MICAL2: variants seen among roughly 807,000 people sequenced by gnomAD.
MICAL2 encodes the protein microtubule associated monooxygenase, calponin and LIM domain containing 2.
Under a neutral mutation model 127.3 loss-of-function variants are expected in MICAL2, and 77 were observed. The ratio of observed to expected loss-of-function variants is 0.60; its 90% CI spans 0.50 to 0.73. The LOEUF (loss-of-function observed/expected upper bound fraction) is 0.73. Ranked by LOEUF, MICAL2 falls within the 30% of genes least tolerant of loss-of-function variation. MICAL2 has a pLI of 0.00. For synonymous variants in MICAL2, 570 were observed against 551.1 expected (o/e 1.03, Z -0.48); for missense variants, 1,351 against 1,434.4 (o/e 0.94, Z 0.94).
chr11:12,138,166 T>C (rs1376647323), intron 1 of MICAL2, among the ~76,000 whole-genome samples: 3 of 152,242 alleles, frequency 2.0e-5, no homozygotes, highest in Admixed American at 2.0e-4. Context: ...GTGCCCTGAC[T>C]GCAGCCAACA....
At chr11:12,130,397 G>A (rs867817480) in intron 1 of MICAL2, among the ~76,000 whole-genome samples, 1 of 152,180 alleles carries the variant, frequency 6.6e-6, no homozygotes, top group South Asian at 2.1e-4. Flanking sequence ...AGGCCACAGG[G>A]CAGAGGGATG....
chr11:12,348,494 A>G (rs925928411), intron 32 of MICAL2, among the ~76,000 whole-genome samples: 3 of 152,230 alleles, frequency 2.0e-5, no homozygotes, highest in Non-Finnish European at 2.9e-5. Context: ...CTAGTCCTCC[A>G]TAAATACTGA....
At chr11:12,225,032 C>T (rs948926179) in intron 13 of MICAL2, among the ~76,000 whole-genome samples, 6 of 152,100 alleles carry the variant, frequency 3.9e-5, no homozygotes, top group Admixed American at 6.5e-5. Context: ...AAATTGGCTC[C>T]GGCTTAGTGA....
chr11:12,230,744 G>C (rs1858146121), intron 15 of MICAL2, among the ~76,000 whole-genome samples: 2 of 149,818 alleles, frequency 1.3e-5, no homozygotes, highest in Non-Finnish European at 2.9e-5. Flanking sequence ...CTGATAACAT[G>C]CAATCCAAGC....
chr11:12,233,841 G>A (rs147566689), intron 15 of MICAL2, among the ~76,000 whole-genome samples: 3 of 152,302 alleles, frequency 2.0e-5, no homozygotes, highest in Non-Finnish European at 4.4e-5. Flanking sequence ...GAGTACTGAA[G>A]CAATTTTGGT....
chr11:12,176,712 G>A (rs1856882515), intron 3 of MICAL2, among the ~76,000 whole-genome samples: 1 of 152,118 alleles, frequency 6.6e-6, no homozygotes, highest in African/African-American at 2.4e-5. Context: ...TATCTCATAT[G>A]AGTGGAATAA....
chr11:12,146,888 G>A (rs1852973095), intron 2 of MICAL2, among the ~76,000 whole-genome samples: 1 of 152,146 alleles, frequency 6.6e-6, no homozygotes, highest in Non-Finnish European at 1.5e-5. Context: ...CCATAAAAAT[G>A]GATGAGTTCA....
chr11:12,339,665 A>C (rs1473447689), intron 32 of MICAL2, among the ~76,000 whole-genome samples: 2 of 152,200 alleles, frequency 1.3e-5, no homozygotes, highest in Non-Finnish European at 2.9e-5. Flanking sequence ...TCCTTCTAAC[A>C]GTCAGGACCC....
intron 6 of MICAL2, among the ~76,000 whole-genome samples, chr11:12,209,977 C>T (rs372992178): frequency 4.6e-5 from 7 of 152,062 alleles, no homozygotes; most frequent in East Asian, 3.9e-4. Flanking sequence ...GCCATGGTGC[C>T]GAGCACTTTC....
At chr11:12,273,545 T>G (rs1324121920), upstream of MICAL2, among the ~76,000 whole-genome samples, 1 of 18,868 alleles carries the variant, frequency 5.3e-5, no homozygotes, top group Admixed American at 5.8e-4. Flanking sequence ...TGCAGACATG[T>G]TTTTTTTTTT....
chr11:12,318,325 A>G (rs1232271058), intron 29 of MICAL2, among the ~76,000 whole-genome samples: 1 of 152,224 alleles, frequency 6.6e-6, no homozygotes, highest in Non-Finnish European at 1.5e-5. Flanking sequence ...AGTGGGAAAC[A>G]ATCTCAGCTC....
chr11:12,344,603 C>T (rs974325826), intron 32 of MICAL2, among the ~76,000 whole-genome samples: 2 of 149,386 alleles, frequency 1.3e-5, no homozygotes, highest in Non-Finnish European at 3.0e-5. Context: ...CAGGTTCAAG[C>T]GATTCTCCTG....
At chr11:12,296,472 ATAAAT>A (rs1449654221), downstream of MICAL2, among the ~76,000 whole-genome samples, 11 of 150,596 alleles carry the variant, frequency 7.3e-5, no homozygotes, top group Non-Finnish European at 5.9e-5. Context: ...CTTTAGTTTA[ATAAAT>A]TAAATAGATT....
At chr11:12,113,792 G>T (rs141347178) in intron 1 of MICAL2, among the ~76,000 whole-genome samples, 2 of 152,192 alleles carry the variant, frequency 1.3e-5, no homozygotes, top group East Asian at 3.9e-4. Flanking sequence ...TACTATCCAA[G>T]GTTTCAGGCA....
chr11:12,170,422 C>A (rs1856098680), intron 3 of MICAL2, among the ~76,000 whole-genome samples: 1 of 151,622 alleles, frequency 6.6e-6, no homozygotes, highest in South Asian at 2.1e-4. Context: ...AGCACTCCAG[C>A]CTGGGTGAAG....
At chr11:12,216,483 A>G in intron 8 of MICAL2, 164 bp downstream of exon 8, 1 of 611,066 alleles carries the variant, frequency 1.6e-6, no homozygotes, top group East Asian at 2.8e-5. Context: ...TGAGTATTGG[A>G]TAAAGGAGCC....
At position 12,226,207 on chromosome 11, in the gene MICAL2, GAAC is replaced by G. The variant is rs750312732; in HGVS notation, c.1729_1731del (p.Asn577del). 8 of 1,614,128 alleles carry G rather than the reference GAAC, an allele frequency of 5.0e-6. No homozygotes were observed. The highest frequency in any genetic ancestry group is 6.8e-6 in the Non-Finnish European group (8 of 1,180,058). On this transcript the variant is annotated inframe_deletion, in exon 14 of 28. Transcript: ENST00000683283. ...CTTTGAATGAAGATGATGCTGTGGA[GAAC>G]AACCAGCTCGCATTTGATGTGGCCG...
intron 5 of MICAL2, chr11:12,208,421 G>A (rs1423747845): frequency 6.4e-6 from 2 of 310,718 alleles, no homozygotes; most frequent in Non-Finnish European, 1.2e-5. Flanking sequence ...TCAATAAATA[G>A]GACAGAAGAC....
chr11:12,219,261 G>A (rs554890270), intron 8 of MICAL2, among the ~76,000 whole-genome samples: 3 of 152,162 alleles, frequency 2.0e-5, no homozygotes, highest in African/African-American at 7.2e-5. Flanking sequence ...GAGCAGCTTG[G>A]ACTCTGGGGA....
Sources: gnomAD v4.1 joint callset for allele counts (sites outside exome capture counted in the v4.1 genomes callset) on GRCh38, gnomAD v4.1.1 for gene constraint, MANE v1.5 for transcripts, NCBI Gene and HGNC (gene_info 2026-07-23, HGNC 2026-07-21) for gene names.